Variants in PRKCA observed in about 807,000 individuals in gnomAD.
PRKCA encodes the protein protein kinase C alpha type.
Under a neutral mutation model 87.0 loss-of-function variants are expected in PRKCA, and 27 were observed. That is an observed-to-expected ratio of 0.31 (90% confidence interval 0.23 to 0.43). The LOEUF (loss-of-function observed/expected upper bound fraction) is 0.43, where lower values mean the gene tolerates loss of function less well. PRKCA is among the 20% of genes least tolerant of loss of function. PRKCA has a pLI of 1.00. For missense variants in PRKCA, 518 were observed against 852.3 expected (o/e 0.61, Z 4.88); for synonymous variants, 329 against 311.1 (o/e 1.06, Z -0.61).
chr17:66,490,616 C>T (rs1204047040), intron 2 of PRKCA, among the ~76,000 whole-genome samples: 1 of 151,690 alleles, frequency 6.6e-6, no homozygotes, highest in Non-Finnish European at 1.5e-5. Context: ...TGCTCTGTCA[C>T]CCAGGCTGGA....
rs138630415 is a variant in PRKCA at position 66,391,463 on chromosome 17, G to T, written c.205+85336G>T. Among the ~76,000 whole-genome samples, 10 of 152,164 alleles carry T rather than the reference G, an allele frequency of 6.6e-5. No individual in the cohort carries two copies. In the East Asian group the frequency reaches 1.6e-3, roughly 24 times the overall value. On this transcript the variant is annotated intron_variant, in intron 2 of 16. Coordinates refer to ENST00000413366, the MANE Select transcript of PRKCA (RefSeq NM_002737.3). ...GTCATCTGCTCCACATTGGCCAAGGGTCGGTAGGGTCAGGACAGAGGCCTG... is the reference window on the plus strand; with the variant it reads ...GTCATCTGCTCCACATTGGCCAAGGTTCGGTAGGGTCAGGACAGAGGCCTG...
Position 66,496,198 on chromosome 17 carries a change from C to T in PRKCA, c.206-3C>T. Reference sequence around the variant, plus strand: ...TAATTTTAGTTTCCTTTTTCTCTACCAGTTTGCTGTTTTGTGGTCCACAAG... The same window carrying T: ...TAATTTTAGTTTCCTTTTTCTCTACTAGTTTGCTGTTTTGTGGTCCACAAG... On this transcript the variant is annotated splice_polypyrimidine_tract_variant and splice_region_variant and intron_variant, in intron 2 of 16. Coordinates refer to ENST00000413366, the MANE Select transcript of PRKCA (RefSeq NM_002737.3). The T allele has an allele frequency of 1.2e-6, 2 of 1,611,632 alleles. No individual in the cohort carries two copies. Among genetic ancestry groups the T allele is most frequent in the Non-Finnish European group, 1.7e-6 (2 of 1,178,336 alleles).
intron 2 of PRKCA, among the ~76,000 whole-genome samples, chr17:66,401,900 T>A (rs1911058664): frequency 6.6e-6 from 1 of 152,176 alleles, no homozygotes. Context: ...CAAATGGTGA[T>A]GTCCAGTTCA....
intron 3 of PRKCA, among the ~76,000 whole-genome samples, chr17:66,592,654 C>T (rs1969844806): frequency 6.6e-6 from 1 of 152,174 alleles, no homozygotes; most frequent in Non-Finnish European, 1.5e-5. Flanking sequence ...CTGAAAATTC[C>T]TTCTAGGCTG....
At chr17:66,643,155 A>G (rs1971354483) in intron 4 of PRKCA, among the ~76,000 whole-genome samples, 1 of 152,228 alleles carries the variant, frequency 6.6e-6, no homozygotes, top group South Asian at 2.1e-4. Flanking sequence ...TAACTACTTT[A>G]AAACTGGGAA....
At chr17:66,585,229 G>A (rs1446506713) in intron 3 of PRKCA, among the ~76,000 whole-genome samples, 2 of 152,114 alleles carry the variant, frequency 1.3e-5, no homozygotes, top group East Asian at 1.9e-4. Flanking sequence ...CCTGGCCAGC[G>A]CCATGTTGCC....
In PRKCA at chr17:66,735,599, A is replaced by C. The variant is rs2144212759; in HGVS notation, c.1167A>C (p.Arg389=). 2 of 1,614,160 alleles carry C rather than the reference A, an allele frequency of 1.2e-6. No individual in the cohort carries two copies. Among genetic ancestry groups the C allele is most frequent in the South Asian group, 2.2e-5 (2 of 91,080 alleles). ...TGGAGTGCACCATGGTAGAAAAGCG[A>C]GTCTTGGCCCTGCTTGACAAACCCC... The part of the protein sequence containing the change: ...DDVECTMVEK[R]VLALLDKPPF... Residue 389 remains arginine, a synonymous_variant, in exon 10 of 17, where the codon CGA becomes CGC. Transcript: ENST00000413366.
chr17:66,427,028 A>G (rs1400918426), intron 2 of PRKCA, among the ~76,000 whole-genome samples: 2 of 152,002 alleles, frequency 1.3e-5, no homozygotes, highest in Non-Finnish European at 2.9e-5. Context: ...AGCCACTTAA[A>G]AAAAAATTTT....
intron 2 of PRKCA, among the ~76,000 whole-genome samples, chr17:66,495,490 G>C (rs1916429594): frequency 6.8e-6 from 1 of 147,066 alleles, no homozygotes; most frequent in African/African-American, 2.5e-5. Flanking sequence ...ACATTTATAT[G>C]TGTGTGTTAG....
chr17:66,336,951 G>A (rs1236691308), intron 2 of PRKCA, among the ~76,000 whole-genome samples: 1 of 152,006 alleles, frequency 6.6e-6, no homozygotes, highest in Non-Finnish European at 1.5e-5. Flanking sequence ...ACCACGTCCA[G>A]CTAATTTTTT....
At chr17:66,472,875 G>A (rs770411683) in intron 2 of PRKCA, among the ~76,000 whole-genome samples, 4 of 152,066 alleles carry the variant, frequency 2.6e-5, no homozygotes, top group Admixed American at 2.0e-4. Flanking sequence ...GCCTCCGACC[G>A]AACTTGCCTA....
intron 3 of PRKCA, among the ~76,000 whole-genome samples, chr17:66,517,335 C>G (rs1216994678): frequency 6.6e-6 from 1 of 152,136 alleles, no homozygotes; most frequent in Non-Finnish European, 1.5e-5. Flanking sequence ...CCTGACTACT[C>G]CCTGTCCCCC....
intron 5 of PRKCA, among the ~76,000 whole-genome samples, chr17:66,652,023 A>G (rs1971603020): frequency 6.6e-6 from 1 of 152,084 alleles, no homozygotes; most frequent in African/African-American, 2.4e-5. Flanking sequence ...CAATGGTGCA[A>G]TCTTGGCTCA....
chr17:66,324,428 C>T (rs1905855337), intron 2 of PRKCA, among the ~76,000 whole-genome samples: 1 of 143,622 alleles, frequency 7.0e-6, no homozygotes, highest in Admixed American at 7.2e-5. Context: ...ATGGTGAAAC[C>T]CTGTCTCTAC....
At chr17:66,395,138 G>A (rs1281794316) in intron 2 of PRKCA, among the ~76,000 whole-genome samples, 1 of 152,004 alleles carries the variant, frequency 6.6e-6, no homozygotes, top group African/African-American at 2.4e-5. Flanking sequence ...TAAAGAACTG[G>A]CAGTTCTTTA....
At chr17:66,675,174 G>A (rs1295045033) in intron 5 of PRKCA, among the ~76,000 whole-genome samples, 2 of 152,162 alleles carry the variant, frequency 1.3e-5, no homozygotes, top group South Asian at 2.1e-4. Flanking sequence ...CCAAGTTCAG[G>A]GCACAGGAAG....
At chr17:66,450,262 G>T (rs1237671347) in intron 2 of PRKCA, among the ~76,000 whole-genome samples, 1 of 152,152 alleles carries the variant, frequency 6.6e-6, no homozygotes, top group Admixed American at 6.5e-5. Context: ...GAGCAGGGAT[G>T]CCCCAGCCAG....
At chr17:66,775,499 G>C in intron 14 of PRKCA, 1 of 985,322 alleles carries the variant, frequency 1.0e-6, no homozygotes, top group Non-Finnish European at 1.2e-6. Flanking sequence ...CACGAAGCAG[G>C]CTTGGTAATC....
At chr17:66,531,443 C>T (rs568819167) in intron 3 of PRKCA, among the ~76,000 whole-genome samples, 58 of 152,352 alleles carry the variant, frequency 3.8e-4, no homozygotes, top group African/African-American at 1.3e-3. Flanking sequence ...TTTGCCAGAA[C>T]TCCCCCATTG....
Sources: gnomAD v4.1 joint callset for allele counts (sites outside exome capture counted in the v4.1 genomes callset) on GRCh38, gnomAD v4.1.1 for gene constraint, MANE v1.5 for transcripts, NCBI Gene and HGNC (gene_info 2026-07-23, HGNC 2026-07-21) for gene names.